MGMT: variants seen among roughly 807,000 people sequenced by gnomAD.
The protein encoded by MGMT is O-6-methylguanine-DNA methyltransferase.
In MGMT, 14 loss-of-function variants were observed where a neutral mutation model predicts 15.9. The observed-to-expected ratio is 0.88, with a 90% confidence interval of 0.58 to 1.37. The LOEUF (loss-of-function observed/expected upper bound fraction) is 1.37, where lower values mean the gene tolerates loss of function less well. MGMT is among the 40% of genes most tolerant of loss of function. MGMT has a pLI of 0.00. For synonymous variants in MGMT, 130 were observed against 118.2 expected (o/e 1.10, Z -0.65); for missense variants, 282 against 268.1 (o/e 1.05, Z -0.36).
chr10:129,556,894 G>T lies in MGMT; in HGVS notation c.125+20517G>T, dbSNP rs1403171061. Among the ~76,000 whole-genome samples the T allele has an allele frequency of 6.6e-6, 1 of 152,100 alleles. No homozygotes were observed. Among genetic ancestry groups the T allele is most frequent in the Admixed American group, 6.5e-5 (1 of 15,280 alleles). On this transcript the variant is annotated intron_variant, in intron 2 of 4. Transcript: ENST00000651593. This position sits in a 1 kb window ranked among gnomAD's most constrained non-coding sequence, Gnocchi z 4.3. Reference sequence around the variant, plus strand: ...TTTCCCTTGAGTTCTGGGGCGGGACGTGGAATGTTTGTGAGGCTACCCTTC... The same window carrying T: ...TTTCCCTTGAGTTCTGGGGCGGGACTTGGAATGTTTGTGAGGCTACCCTTC...
At chr10:129,507,183 G>A (rs1271661903) in intron 1 of MGMT, among the ~76,000 whole-genome samples, 2 of 152,370 alleles carry the variant, frequency 1.3e-5, no homozygotes, top group East Asian at 3.9e-4. Flanking sequence ...GTCTCTGTGA[G>A]CCGTCAGGCA....
At chr10:129,691,265 G>A (rs181066298) in intron 2 of MGMT, among the ~76,000 whole-genome samples, 5 of 152,298 alleles carry the variant, frequency 3.3e-5, no homozygotes, top group African/African-American at 4.8e-5. Flanking sequence ...GTCCCCTGCC[G>A]GTCCTCAGAA....
chr10:129,576,062 A>G (rs1846478789), intron 2 of MGMT, among the ~76,000 whole-genome samples: 1 of 152,216 alleles, frequency 6.6e-6, no homozygotes, highest in Non-Finnish European at 1.5e-5. Flanking sequence ...CAACCAAAAA[A>G]AGTCCAGGAC....
At chr10:129,569,385 G>A (rs1846391935) in intron 2 of MGMT, among the ~76,000 whole-genome samples, 1 of 152,184 alleles carries the variant, frequency 6.6e-6, no homozygotes, top group South Asian at 2.1e-4. Flanking sequence ...ATCCAGCACA[G>A]CCTTGTCCTC....
At chr10:129,686,613 T>C (rs1033297017) in intron 2 of MGMT, among the ~76,000 whole-genome samples, 3 of 151,998 alleles carry the variant, frequency 2.0e-5, no homozygotes, top group Admixed American at 2.0e-4. Flanking sequence ...TCCACCCACC[T>C]GGGCCTCCCA....
At chr10:129,650,017 A>G (rs1233446246) in intron 2 of MGMT, among the ~76,000 whole-genome samples, 2 of 152,102 alleles carry the variant, frequency 1.3e-5, no homozygotes, top group Admixed American at 1.3e-4. Flanking sequence ...TGTAGACCTT[A>G]AAAGGTCTCA....
At chr10:129,700,127 G>A (rs7068256) in intron 2 of MGMT, 99,345 of 151,854 alleles carry the variant, frequency 0.65, 34,541 homozygotes, top group Non-Finnish European at 0.78. Flanking sequence ...AACAGCCCAC[G>A]GTGTGTGGTC....
intron 1 of MGMT, 187 bp downstream of exon 1, chr10:129,467,483 C>A: frequency 1.1e-6 from 1 of 952,216 alleles, no homozygotes; most frequent in African/African-American, 1.8e-5. Context: ...AGCCTTTCCC[C>A]GGGCCTGGGG....
intron 1 of MGMT, among the ~76,000 whole-genome samples, chr10:129,493,544 G>T (rs1845490990): frequency 6.6e-6 from 1 of 152,130 alleles, no homozygotes; most frequent in Admixed American, 6.6e-5. Context: ...AAAGCTACCA[G>T]AAGATAAATA....
rs1386860974 is a variant in MGMT, at chr10:129,504,215, A to G, written c.-12-32026A>G. On this transcript the variant is annotated intron_variant, in intron 1 of 4. Transcript: ENST00000651593. ...TGGCAATCAGGTGTATGTACCTGGA[A>G]CACAGCAGCTGCAAATGGAGATTGA... is the stretch of plus-strand genomic sequence containing the variant. Among the ~76,000 whole-genome samples, 7 of 152,386 alleles carry G rather than the reference A, an allele frequency of 4.6e-5. No homozygotes were observed. In the East Asian group the frequency reaches 1.3e-3, roughly 29 times the overall value.
rs113891783 is a variant in MGMT at position 129,555,294 on chromosome 10, C to T, written c.125+18917C>T. Among the ~76,000 whole-genome samples the T allele has an allele frequency of 5.1e-3, 775 of 152,310 alleles. 9 individuals are homozygous for T. Among genetic ancestry groups the T allele is most frequent in the African/African-American group, 0.017 (727 of 41,552 alleles). ...TCCAGCACTTTGAGCCCGCTCTGCC[C>T]GAGCGCTGTTCTCCTTCCGTGCCGT... On this transcript the variant is annotated intron_variant, in intron 2 of 4. Transcript: ENST00000651593.
chr10:129,732,470 C>T (rs1305735075), intron 3 of MGMT, among the ~76,000 whole-genome samples: 1 of 151,878 alleles, frequency 6.6e-6, no homozygotes, highest in African/African-American at 2.4e-5. Context: ...CATGTCCCTG[C>T]AAAGGACATG....
At chr10:129,743,183 C>G (rs1412638678) in intron 3 of MGMT, among the ~76,000 whole-genome samples, 1 of 152,192 alleles carries the variant, frequency 6.6e-6, no homozygotes, top group Non-Finnish European at 1.5e-5. Flanking sequence ...AAACTGCTAC[C>G]CATCCAAGAC....
At chr10:129,726,019 G>A (rs2094291) in intron 3 of MGMT, among the ~76,000 whole-genome samples, 94,880 of 151,794 alleles carry the variant, frequency 0.63, 30,006 homozygotes, top group Middle Eastern at 0.75. Flanking sequence ...CTTGGGAGAG[G>A]AGTGTGTTCT....
intron 2 of MGMT, among the ~76,000 whole-genome samples, chr10:129,614,315 C>T (rs964396101): frequency 2.0e-5 from 3 of 152,170 alleles, no homozygotes; most frequent in African/African-American, 4.8e-5. Flanking sequence ...GAGCAAAACC[C>T]GTTTCCCCCA....
At chr10:129,511,914 G>A (rs1281371776) in intron 1 of MGMT, among the ~76,000 whole-genome samples, 3 of 152,204 alleles carry the variant, frequency 2.0e-5, no homozygotes, top group African/African-American at 7.2e-5. Context: ...GCGCTGTCTC[G>A]TGGTACCTTC....
At chr10:129,582,099 C>A (rs891130773) in intron 2 of MGMT, among the ~76,000 whole-genome samples, 6 of 152,188 alleles carry the variant, frequency 3.9e-5, no homozygotes, top group Non-Finnish European at 8.8e-5. Context: ...ACAAGTGCTC[C>A]TTTTTTGAGT....
chr10:129,746,804 A>T lies in MGMT; in HGVS notation c.275-12398A>T, dbSNP rs74801435. On this transcript the variant is annotated intron_variant, in intron 3 of 4. Coordinates refer to ENST00000651593, the MANE Select transcript of MGMT (RefSeq NM_002412.5). ...TAACCTTTTTTGTCTCTTGTAAAAT[A>T]TGTTGGCTAGTCTCAATCCTTTGCC... Among the ~76,000 whole-genome samples, 9 of 152,288 alleles carry T rather than the reference A, an allele frequency of 5.9e-5. No individual in the cohort carries two copies. In the East Asian group the frequency reaches 1.7e-3, roughly 29 times the overall value.
At chr10:129,592,681 C>G (rs934842291) in intron 2 of MGMT, among the ~76,000 whole-genome samples, 2 of 152,100 alleles carry the variant, frequency 1.3e-5, no homozygotes, top group Non-Finnish European at 2.9e-5. Context: ...GCACGTCAGC[C>G]AGAGCCCTGT....
Sources: allele counts gnomAD v4.1 joint callset (sites outside exome capture counted in the v4.1 genomes callset), GRCh38; gene constraint gnomAD v4.1.1; non-coding constraint Gnocchi (gnomAD v3.1); transcripts MANE v1.5; gene names NCBI Gene and HGNC (gene_info 2026-07-23, HGNC 2026-07-21).